AK7: variants seen among roughly 807,000 people sequenced by gnomAD.
The protein encoded by AK7 is ATP-AMP transphosphorylase 7.
In AK7, 78 loss-of-function variants were observed where a neutral mutation model predicts 96.6. The observed-to-expected ratio is 0.81, with a 90% CI of 0.67 to 0.97. AK7 has a LOEUF of 0.97. Ranked by LOEUF, AK7 falls within the 50% of genes least tolerant of loss-of-function variation. The probability of loss-of-function intolerance (pLI) is 0.00; values close to 1 mark genes in which losing one functional copy is unlikely to be tolerated. For synonymous variants in AK7, 302 were observed against 317.2 expected (o/e 0.95, Z 0.51); for missense variants, 855 against 887.9 (o/e 0.96, Z 0.47).
chr14:96,412,525 G>A lies in AK7; in HGVS notation c.498+3584G>A, dbSNP rs551055674. Reference sequence around the variant, plus strand: ...TTACAGACACGAGCCACTGCGCCCGGCCGTGACTCCTGGTACTTTCTTAGC... The same window carrying A: ...TTACAGACACGAGCCACTGCGCCCGACCGTGACTCCTGGTACTTTCTTAGC... On this transcript the variant is annotated intron_variant, in intron 4 of 17. Coordinates refer to ENST00000267584, the MANE Select transcript of AK7 (RefSeq NM_152327.5). Among the ~76,000 whole-genome samples the A allele has an allele frequency of 2.0e-5, 3 of 150,942 alleles. No individual in the cohort carries two copies. In the East Asian group the frequency reaches 5.9e-4, roughly 29 times the overall value.
intron 5 of AK7, among the ~76,000 whole-genome samples, chr14:96,422,207 A>G (rs958792171): frequency 7.2e-5 from 11 of 152,256 alleles, no homozygotes; most frequent in African/African-American, 2.7e-4. Flanking sequence ...ATCTGTATGC[A>G]GAAGTACAGT....
intron 1 of AK7, among the ~76,000 whole-genome samples, chr14:96,394,281 C>T (rs1273139941): frequency 6.6e-6 from 1 of 152,154 alleles, no homozygotes; most frequent in African/African-American, 2.4e-5. Flanking sequence ...CCTGGGCCCA[C>T]TTCATTAGGT....
chr14:96,408,939 C>G lies in AK7; in HGVS notation c.496C>G (p.Pro166Ala). 1 of 1,613,964 alleles carries G rather than the reference C, an allele frequency of 6.2e-7. No individual in the cohort carries two copies. Among genetic ancestry groups the G allele is most frequent in the Non-Finnish European group, 8.5e-7 (1 of 1,179,830 alleles). The change falls in exon 4 of 18, where the codon CCC (proline) becomes GCC (alanine). Residue 166 changes from proline to alanine, a missense_variant and splice_region_variant. Coordinates refer to ENST00000267584, the MANE Select transcript of AK7 (RefSeq NM_152327.5). ...TTGGGCGCGCTCCAAAGCCCTGGAC[C>G]CCGTAAGTAGAGCGTTAGCTTTCCT... is the stretch of plus-strand genomic sequence containing the variant. ...MTWARSKALD[P>A]EDSEVPFTEE...
At chr14:96,474,129 A>G (rs1238204217) in intron 14 of AK7, among the ~76,000 whole-genome samples, 2 of 152,132 alleles carry the variant, frequency 1.3e-5, no homozygotes, top group African/African-American at 4.8e-5. Flanking sequence ...AAGAAAAGCT[A>G]TTTTCAGCAA....
In AK7 at chr14:96,442,775, G is replaced by A. The variant is rs112200493; in HGVS notation, c.736G>A (p.Gly246Arg). The stretch of plus-strand genomic sequence containing the variant: ...TCCTGCATTACCAGTTTTTGGCGAT[G>A]GAACAAATGTAATTCCAACAATCCA... ...EIPALPVFGD[G>R]TNVIPTIHVL... Residue 246 changes from glycine (G) to arginine (R), a missense_variant, in exon 7 of 18, where the codon GGA (glycine) becomes AGA (arginine). Coordinates refer to ENST00000267584, the MANE Select transcript of AK7 (RefSeq NM_152327.5). 1 of 1,614,192 alleles carries A rather than the reference G, an allele frequency of 6.2e-7. No individual in the cohort carries two copies. Among genetic ancestry groups the A allele is most frequent in the Non-Finnish European group, 8.5e-7 (1 of 1,180,028 alleles).
intron 5 of AK7, among the ~76,000 whole-genome samples, chr14:96,429,309 C>T (rs1003797074): frequency 2.4e-4 from 36 of 152,154 alleles, no homozygotes; most frequent in Admixed American, 2.2e-3. Context: ...CTGTTCTGTT[C>T]CATTGGTCTA....
intron 12 of AK7, among the ~76,000 whole-genome samples, chr14:96,466,861 C>T (rs1894594884): frequency 6.6e-6 from 1 of 152,108 alleles, no homozygotes; most frequent in Non-Finnish European, 1.5e-5. Context: ...TTTGTTTTGG[C>T]CTTATTAAAA....
intron 4 of AK7, among the ~76,000 whole-genome samples, chr14:96,420,186 G>A (rs887303870): frequency 6.6e-6 from 1 of 151,104 alleles, no homozygotes; most frequent in Non-Finnish European, 1.5e-5. Flanking sequence ...TTTTTAAGAA[G>A]AGTAAATCAC....
intron 3 of AK7, chr14:96,405,111 C>T (rs148544866): frequency 1.7e-3 from 359 of 210,644 alleles, no homozygotes; most frequent in African/African-American, 7.7e-3. Flanking sequence ...TTTGGGAGGC[C>T]GAGGTGGGAG....
At chr14:96,441,073 G>A (rs1892931185) in intron 6 of AK7, among the ~76,000 whole-genome samples, 1 of 152,082 alleles carries the variant, frequency 6.6e-6, no homozygotes, top group South Asian at 2.1e-4. Flanking sequence ...TCAGCTGTTC[G>A]ACATGAGGGA....
At chr14:96,416,511 A>G (rs1891358194) in intron 4 of AK7, among the ~76,000 whole-genome samples, 1 of 152,186 alleles carries the variant, frequency 6.6e-6, no homozygotes, top group South Asian at 2.1e-4. Flanking sequence ...TAGAAAGAGG[A>G]AGCCTCTAAA....
At chr14:96,416,518 T>TA (rs1445220116) in intron 4 of AK7, among the ~76,000 whole-genome samples, 1 of 152,172 alleles carries the variant, frequency 6.6e-6, no homozygotes, top group Non-Finnish European at 1.5e-5. Flanking sequence ...AGGAAGCCTC[T>TA]AAATGAGCTT....
chr14:96,444,865 C>T (rs751934640), intron 7 of AK7, among the ~76,000 whole-genome samples: 2 of 152,048 alleles, frequency 1.3e-5, no homozygotes, highest in Non-Finnish European at 2.9e-5. Flanking sequence ...CTACAGGCGC[C>T]GGCCACCACG....
At chr14:96,478,915 T>C (rs1895346933) in intron 15 of AK7, among the ~76,000 whole-genome samples, 1 of 151,816 alleles carries the variant, frequency 6.6e-6, no homozygotes, top group Non-Finnish European at 1.5e-5. Flanking sequence ...TCCTTTTTTT[T>C]TTTTTTGTGG....
chr14:96,420,157 C>T (rs567567340), intron 4 of AK7, among the ~76,000 whole-genome samples: 52 of 151,686 alleles, frequency 3.4e-4, no homozygotes, highest in Non-Finnish European at 5.0e-4. Context: ...TGAGCCACTG[C>T]GCCTGGCCTC....
At chr14:96,441,873 C>G (rs1042808300) in intron 6 of AK7, among the ~76,000 whole-genome samples, 1 of 152,010 alleles carries the variant, frequency 6.6e-6, no homozygotes, top group East Asian at 1.9e-4. Context: ...CCAGGCTAAG[C>G]TACCCTATTT....
chr14:96,477,140 C>T (rs968553567), intron 14 of AK7, among the ~76,000 whole-genome samples: 2 of 152,166 alleles, frequency 1.3e-5, no homozygotes, highest in Admixed American at 6.5e-5. Flanking sequence ...AACTTACTTG[C>T]GAAAACACCT....
chr14:96,434,962 CTGGGACTCACCCTTCAGA>C (rs1448129838), intron 5 of AK7, among the ~76,000 whole-genome samples: 1 of 152,140 alleles, frequency 6.6e-6, no homozygotes, highest in Non-Finnish European at 1.5e-5. Flanking sequence ...GCTGCCTGGC[CTGGGACTCACCCTTCAGA>C]TGGGACTCAC....
intron 15 of AK7, among the ~76,000 whole-genome samples, chr14:96,480,963 A>G (rs1207736748): frequency 2.0e-5 from 3 of 152,164 alleles, no homozygotes; most frequent in Non-Finnish European, 4.4e-5. Flanking sequence ...ACATCCTCTC[A>G]TCAGCTCTGG....
Sources: gnomAD v4.1 joint callset for allele counts (sites outside exome capture counted in the v4.1 genomes callset) on GRCh38, gnomAD v4.1.1 for gene constraint, MANE v1.5 for transcripts, NCBI Gene and HGNC (gene_info 2026-07-23, HGNC 2026-07-21) for gene names.